CPXM2: variants seen among roughly 807,000 people sequenced by gnomAD.
CPXM2 encodes the protein inactive carboxypeptidase-like protein X2.
CPXM2 carries 66 observed loss-of-function variants against 86.1 expected under a neutral mutation model. The observed-to-expected ratio is 0.77, with a 90% confidence interval of 0.63 to 0.94. The LOEUF (loss-of-function observed/expected upper bound fraction) is 0.94. Among genes scored for constraint, CPXM2 ranks in the 40% least tolerant of loss-of-function variants. CPXM2 has a pLI of 0.00. For synonymous variants in CPXM2, 388 were observed against 400.2 expected (o/e 0.97, Z 0.36); for missense variants, 948 against 1,026.3 (o/e 0.92, Z 1.04).
chr10:123,772,099 A>C (rs1213660291), intron 7 of CPXM2, among the ~76,000 whole-genome samples: 1 of 152,022 alleles, frequency 6.6e-6, no homozygotes, highest in African/African-American at 2.4e-5. Context: ...TTATGGTGAC[A>C]TCTTCCCTGA....
intron 4 of CPXM2, among the ~76,000 whole-genome samples, chr10:123,807,452 G>A (rs1365909704): frequency 1.3e-5 from 2 of 152,216 alleles, no homozygotes; most frequent in East Asian, 3.9e-4. Flanking sequence ...AAAGCATTAT[G>A]AGATGTGTGG....
intron 4 of CPXM2, among the ~76,000 whole-genome samples, chr10:123,841,955 T>A (rs1174756062): frequency 6.6e-6 from 1 of 152,208 alleles, no homozygotes; most frequent in East Asian, 1.9e-4. Flanking sequence ...ATCTGGACAA[T>A]CCATGCCCTC....
intron 1 of CPXM2, among the ~76,000 whole-genome samples, chr10:123,887,322 C>A (rs1945193606): frequency 6.6e-6 from 1 of 152,162 alleles, no homozygotes; most frequent in South Asian, 2.1e-4. Flanking sequence ...ACCTCAGAAA[C>A]TGTACAGTAC....
Position 123,770,908 on chromosome 10 carries a change from C to A in CPXM2, c.1102+8G>T, listed in dbSNP as rs1437692995. ...AGGGGCCAAGCATCCCAGAGGGGCC[C>A]TTCTCACCGACTTCATGCTCCCCAG... On this transcript the variant is annotated splice_region_variant and intron_variant, in intron 8 of 13. Coordinates refer to ENST00000241305, the MANE Select transcript of CPXM2 (RefSeq NM_198148.3). 1 of 1,610,472 alleles carries A rather than the reference C, an allele frequency of 6.2e-7. No homozygotes were observed. The highest frequency in any genetic ancestry group is 8.5e-7 in the Non-Finnish European group (1 of 1,179,022).
intron 3 of CPXM2, chr10:123,843,127 T>TC: frequency 3.1e-6 from 1 of 323,180 alleles, no homozygotes. Flanking sequence ...ATTCTTTTTT[T>TC]TTTTTTCAGA....
In CPXM2 at chr10:123,757,239, C is replaced by T. The variant is rs1846234983; in HGVS notation, c.1891G>A (p.Glu631Lys). 5.6e-6 allele frequency: 9 copies of T among 1,614,120 alleles called. No individual in the cohort carries two copies. Among genetic ancestry groups the T allele is most frequent in the Non-Finnish European group, 7.6e-6 (9 of 1,179,990 alleles). Residue 631 changes from glutamate to lysine, a missense_variant, in exon 12 of 14, where the codon GAA (glutamate) becomes AAA (lysine). Glu to Lys is a moderately conservative substitution (Grantham distance 56). Coordinates refer to ENST00000241305, the MANE Select transcript of CPXM2 (RefSeq NM_198148.3). ...TGCTCCATGAACACGATCAGAGATTCCCGGTTATTCTCCCACTCCTCGGGC... is the reference window on the plus strand; with the variant it reads ...TGCTCCATGAACACGATCAGAGATTTCCGGTTATTCTCCCACTCCTCGGGC... The part of the protein sequence containing the change: ...QLPEEWENNR[E>K]SLIVFMEQVH...
At chr10:123,837,073 T>C (rs1476763871) in intron 4 of CPXM2, among the ~76,000 whole-genome samples, 8 of 152,246 alleles carry the variant, frequency 5.3e-5, no homozygotes, top group Admixed American at 5.2e-4. Flanking sequence ...ACCTTTCTTG[T>C]CCTGGTCTTC....
intron 3 of CPXM2, among the ~76,000 whole-genome samples, chr10:123,844,494 T>G (rs1848457137): frequency 6.6e-6 from 1 of 152,170 alleles, no homozygotes; most frequent in Non-Finnish European, 1.5e-5. Context: ...TCAATTTTGC[T>G]TAAGATAAAT....
chr10:123,755,036 A>C (rs6599621), intron 12 of CPXM2, among the ~76,000 whole-genome samples: 142,034 of 152,348 alleles, frequency 0.93, 66,425 homozygotes, highest in Non-Finnish European at 0.95. Context: ...TGTGCCACTT[A>C]TCCTTTGGAG....
intron 1 of CPXM2, among the ~76,000 whole-genome samples, chr10:123,888,712 T>C (rs1945218743): frequency 6.6e-6 from 1 of 152,068 alleles, no homozygotes; most frequent in Non-Finnish European, 1.5e-5. Context: ...AACACCAAAA[T>C]AAAAAAGGAC....
intron 2 of CPXM2, among the ~76,000 whole-genome samples, chr10:123,907,941 GA>G (rs1391073464): frequency 6.6e-6 from 1 of 152,178 alleles, no homozygotes; most frequent in Non-Finnish European, 1.5e-5. Context: ...GGAAGGAAGG[GA>G]GGGGGAGGAA....
rs139748182 is a variant in CPXM2, at chr10:123,833,527, G to A, written c.653+8822C>T. The stretch of plus-strand genomic sequence containing the variant: ...GCTCAGAGGTAAGATGAGGCCACCC[G>A]GTAAATGAGAGAAGCTTCAGCTTAT... On this transcript the variant is annotated intron_variant, in intron 4 of 13. Transcript: ENST00000241305. 3.8e-3 allele frequency among the ~76,000 whole-genome samples: 586 copies of A among 152,286 alleles called. 7 individuals carry two copies. The highest frequency in any genetic ancestry group is 0.012 in the African/African-American group (495 of 41,548).
chr10:123,843,264 T>A (rs1848424045), intron 3 of CPXM2: 1 of 455,658 alleles, frequency 2.2e-6, no homozygotes, highest in Admixed American at 2.4e-5. Flanking sequence ...AAAATTCTTT[T>A]GATCTGAATT....
chr10:123,926,287 C>T (rs1590125671), intron 2 of CPXM2, among the ~76,000 whole-genome samples: 1 of 152,382 alleles, frequency 6.6e-6, no homozygotes, highest in African/African-American at 2.4e-5. Flanking sequence ...CCTCTGCTAG[C>T]TCTACTGTCC....
intron 13 of CPXM2, among the ~76,000 whole-genome samples, chr10:123,749,568 T>G (rs1274071743): frequency 6.6e-6 from 1 of 152,174 alleles, no homozygotes; most frequent in Non-Finnish European, 1.5e-5. Flanking sequence ...AGTCCTTGGG[T>G]GGCCCGAGCC....
At chr10:123,755,121 T>C (rs56336416) in intron 12 of CPXM2, among the ~76,000 whole-genome samples, 5,670 of 152,328 alleles carry the variant, frequency 0.037, 152 homozygotes, top group Middle Eastern at 0.16. Context: ...CCTGGTGTCT[T>C]ATCTACCAGA....
chr10:123,804,992 TG>T (rs1236017352), intron 4 of CPXM2, among the ~76,000 whole-genome samples: 4 of 152,124 alleles, frequency 2.6e-5, no homozygotes, highest in Non-Finnish European at 5.9e-5. Context: ...TCTACGTGGA[TG>T]TGGCAAGAGG....
chr10:123,822,854 A>G (rs1355912550), intron 4 of CPXM2, among the ~76,000 whole-genome samples: 4 of 152,158 alleles, frequency 2.6e-5, no homozygotes, highest in African/African-American at 9.7e-5. Flanking sequence ...AAGACAATGG[A>G]AAGTATTGAA....
chr10:123,829,803 C>T (rs1217947630), intron 4 of CPXM2, among the ~76,000 whole-genome samples: 4 of 151,960 alleles, frequency 2.6e-5, no homozygotes, highest in African/African-American at 9.7e-5. Flanking sequence ...GTAGTTCTGG[C>T]AAATAAAAAC....
Sources: gnomAD v4.1 joint callset for allele counts (sites outside exome capture counted in the v4.1 genomes callset) on GRCh38, gnomAD v4.1.1 for gene constraint, MANE v1.5 for transcripts, NCBI Gene and HGNC (gene_info 2026-07-23, HGNC 2026-07-21) for gene names.